Variants in CBX5 observed in about 807,000 individuals in gnomAD.
CBX5 encodes the protein chromobox 5.
A neutral mutation model predicts 20.7 loss-of-function variants in CBX5; 7 were observed. The observed-to-expected ratio is 0.34, with a 90% CI of 0.19 to 0.63. CBX5 has a LOEUF of 0.63. Among genes scored for constraint, CBX5 ranks in the 30% least tolerant of loss-of-function variants. The probability of loss-of-function intolerance (pLI) is 0.75; values close to 1 mark genes in which losing one functional copy is unlikely to be tolerated. For missense variants in CBX5, 110 were observed against 224.1 expected (o/e 0.49, Z 3.25); for synonymous variants, 78 against 77.0 (o/e 1.01, Z -0.07).
intron 1 of CBX5, among the ~76,000 whole-genome samples, chr12:54,267,405 C>T (rs1943966645): frequency 6.6e-6 from 1 of 152,176 alleles, no homozygotes; most frequent in East Asian, 1.9e-4. Flanking sequence ...CATCATCTAG[C>T]TTGCACATTT....
rs1050507112 is a variant in CBX5, at chr12:54,235,853, T to A, written c.*5902A>T. 6.6e-6 allele frequency: 1 copy of A among 152,222 alleles called. No individual in the cohort carries two copies. Among genetic ancestry groups the A allele is most frequent in the African/African-American group, 2.4e-5 (1 of 41,448 alleles). 9.4% of individuals were successfully genotyped at this position (152,222 alleles called of 1,614,324 possible). On this transcript the variant is annotated 3_prime_UTR_variant, in exon 5 of 5. Coordinates refer to ENST00000209875, the MANE Select transcript of CBX5 (RefSeq NM_012117.3). ...AGTGTCCATGAGGAATATGTTGTTA[T>A]AGAACCCACAATAATGTAACACAAC...
At chr12:54,268,604 T>C (rs1943979568) in intron 1 of CBX5, among the ~76,000 whole-genome samples, 1 of 152,166 alleles carries the variant, frequency 6.6e-6, no homozygotes. Context: ...AATTGGTTGA[T>C]TATGAGATAT....
intron 1 of CBX5, among the ~76,000 whole-genome samples, chr12:54,265,645 C>T (rs1045271443): frequency 1.3e-5 from 2 of 152,200 alleles, no homozygotes; most frequent in African/African-American, 2.4e-5. Flanking sequence ...CTATCATTAA[C>T]GAGCCACATA....
At chr12:54,248,403 C>T (rs1240374432) in intron 3 of CBX5, among the ~76,000 whole-genome samples, 1 of 152,208 alleles carries the variant, frequency 6.6e-6, no homozygotes, top group Admixed American at 6.5e-5. Flanking sequence ...ATCTCTACTG[C>T]CCGATTTTCA....
rs1055324053 is a variant in CBX5 at position 54,237,237 on chromosome 12, C to T, written c.*4518G>A. On this transcript the variant is annotated 3_prime_UTR_variant, in exon 5 of 5. Coordinates refer to ENST00000209875, the MANE Select transcript of CBX5 (RefSeq NM_012117.3). ...CAATAGCAGGAAATCTACTTTCACA[C>T]ATGGCAAACCGCGAAGAAAAACAAG... 2.6e-5 allele frequency: 4 copies of T among 152,212 alleles called. No homozygotes were observed. Among genetic ancestry groups the T allele is most frequent in the African/African-American group, 9.7e-5 (4 of 41,446 alleles). 9.4% of individuals were successfully genotyped at this position (152,212 alleles called of 1,614,324 possible). A position where few individuals can be genotyped will look rare whatever the true frequency, so the allele number is the denominator to read the frequency against.
In CBX5 at chr12:54,241,966, T is replaced by A. The variant is rs891835370; in HGVS notation, c.426-61A>T. The A allele has an allele frequency of 2.0e-6, 3 of 1,499,942 alleles. No individual in the cohort carries two copies. The Admixed American group carries it at 6.0e-5, about 30-fold the overall frequency. 92.9% of individuals were successfully genotyped at this position (1,499,942 alleles called of 1,614,324 possible). ...AAGAGTGAAAGAATCTGTCCAGACATACGTTTATGTCATTATATGGATTTA... is the reference window on the plus strand; with the variant it reads ...AAGAGTGAAAGAATCTGTCCAGACAAACGTTTATGTCATTATATGGATTTA... On this transcript the variant is annotated intron_variant, in intron 4 of 4. Coordinates refer to ENST00000209875, the MANE Select transcript of CBX5 (RefSeq NM_012117.3).
At chr12:54,242,042 C>A in intron 4 of CBX5, 137 bp from the exon 5 acceptor site, 1 of 693,738 alleles carries the variant, frequency 1.4e-6, no homozygotes, top group Admixed American at 3.3e-5. Context: ...AGGACCCTTT[C>A]AATATTTTCA....
At position 54,241,508 on chromosome 12, in the gene CBX5, GA is replaced by G. The variant is rs200437127; in HGVS notation, c.*246del. On this transcript the variant is annotated 3_prime_UTR_variant, in exon 5 of 5. Transcript: ENST00000209875. ...GCAGAAGGAAGAGATCAGGGCAAAGGAAAAAAAAATTGTGGGTATTACACTC... is the reference window on the plus strand; with the variant it reads ...GCAGAAGGAAGAGATCAGGGCAAAGGAAAAAAAATTGTGGGTATTACACTC... 2.9e-4 allele frequency: 120 copies of G among 406,922 alleles called. 3 individuals carry two copies. The highest frequency in any genetic ancestry group is 6.7e-4 in the African/African-American group (32 of 47,904). 25.2% of individuals were successfully genotyped at this position (406,922 alleles called of 1,614,324 possible). A position where few individuals can be genotyped will look rare whatever the true frequency, so the allele number is the denominator to read the frequency against.
chr12:54,252,726 T>C (rs1470522322), intron 2 of CBX5, among the ~76,000 whole-genome samples: 1 of 152,158 alleles, frequency 6.6e-6, no homozygotes, highest in Non-Finnish European at 1.5e-5. Context: ...GGCTCACACC[T>C]GTAATCCCAG....
chr12:54,253,054 T>C (rs1353073644), intron 2 of CBX5, among the ~76,000 whole-genome samples: 1 of 144,916 alleles, frequency 6.9e-6, no homozygotes, highest in Non-Finnish European at 1.5e-5. Flanking sequence ...TAACTACAAA[T>C]GGGAATCAAG....
At position 54,242,479 on chromosome 12, in the gene CBX5, C is replaced by T. The variant is rs912555986; in HGVS notation, c.426-574G>A. On this transcript the variant is annotated intron_variant, in intron 4 of 4. Coordinates refer to ENST00000209875, the MANE Select transcript of CBX5 (RefSeq NM_012117.3). ...GGCGGAGCTTGCAGTGAGCTGAGAT[C>T]GCGCCACTGCACTCTAGCCTGAGCA... Among the ~76,000 whole-genome samples the T allele has an allele frequency of 2.8e-5, 4 of 144,820 alleles. No individual in the cohort carries two copies. In the South Asian group the frequency reaches 8.7e-4, roughly 32 times the overall value.
chr12:54,259,388 A>G (rs1351548356), intron 1 of CBX5: 4 of 152,352 alleles, frequency 2.6e-5, no homozygotes, highest in Non-Finnish European at 5.9e-5. Context: ...ACCAGGAAAA[A>G]CAAGGATTTA....
chr12:54,236,460 G>C lies in CBX5; in HGVS notation c.*5295C>G, dbSNP rs566308934. ...ATTGGGTGAGGGGGCATCTAATTCAGAACATGTTTTTGGGTGTAAGGCTAG... is the reference window on the plus strand; with the variant it reads ...ATTGGGTGAGGGGGCATCTAATTCACAACATGTTTTTGGGTGTAAGGCTAG... On this transcript the variant is annotated 3_prime_UTR_variant, in exon 5 of 5. Coordinates refer to ENST00000209875, the MANE Select transcript of CBX5 (RefSeq NM_012117.3). 6.6e-6 allele frequency: 1 copy of C among 152,266 alleles called. No homozygotes were observed. The highest frequency in any genetic ancestry group is 2.4e-5 in the African/African-American group (1 of 41,552). 9.4% of individuals were successfully genotyped at this position (152,266 alleles called of 1,614,324 possible).
intron 1 of CBX5, among the ~76,000 whole-genome samples, chr12:54,279,539 C>T (rs1301602426): frequency 2.0e-5 from 3 of 152,114 alleles, no homozygotes; most frequent in Non-Finnish European, 2.9e-5. Context: ...TTTGGAGAGC[C>T]GATTGGACGA....
At chr12:54,269,934 T>G (rs965577864) in intron 1 of CBX5, among the ~76,000 whole-genome samples, 1 of 152,212 alleles carries the variant, frequency 6.6e-6, no homozygotes, top group Non-Finnish European at 1.5e-5. Flanking sequence ...AGTTACTAAC[T>G]TCAACTAAGA....
intron 1 of CBX5, among the ~76,000 whole-genome samples, chr12:54,264,281 G>A (rs1017431576): frequency 6.6e-6 from 1 of 152,072 alleles, no homozygotes; most frequent in Non-Finnish European, 1.5e-5. Context: ...TTGGCCTTCT[G>A]AGCAGCTGGG....
intron 1 of CBX5, among the ~76,000 whole-genome samples, chr12:54,269,585 C>T (rs888688736): frequency 3.9e-5 from 6 of 152,136 alleles, no homozygotes; most frequent in African/African-American, 1.4e-4. Context: ...GACGGGGCTT[C>T]ACCATGCTAG....
At chr12:54,244,615 G>A (rs1226057503) in intron 4 of CBX5, among the ~76,000 whole-genome samples, 1 of 151,954 alleles carries the variant, frequency 6.6e-6, no homozygotes, top group African/African-American at 2.4e-5. Flanking sequence ...GTAGGCGCCT[G>A]TAATCCCAGC....
chr12:54,237,200 A>G lies in CBX5; in HGVS notation c.*4555T>C, dbSNP rs567697212. 2.9e-4 allele frequency: 44 copies of G among 152,310 alleles called. 1 individual carries two copies. Among genetic ancestry groups the G allele is most frequent in the African/African-American group, 1.0e-3 (42 of 41,564 alleles). The allele number at this position is 152,310 out of a possible 1,614,324, so 9.4% of individuals were successfully genotyped here. On this transcript the variant is annotated 3_prime_UTR_variant, in exon 5 of 5. Coordinates refer to ENST00000209875, the MANE Select transcript of CBX5 (RefSeq NM_012117.3). ...ACTGTTCTCCACTATTCTGTCTATAATGAGAATATATCAATAGCAGGAAAT... is the reference window on the plus strand; with the variant it reads ...ACTGTTCTCCACTATTCTGTCTATAGTGAGAATATATCAATAGCAGGAAAT...
Sources: gnomAD v4.1 joint callset for allele counts (sites outside exome capture counted in the v4.1 genomes callset) on GRCh38, gnomAD v4.1.1 for gene constraint, MANE v1.5 for transcripts, NCBI Gene and HGNC (gene_info 2026-07-23, HGNC 2026-07-21) for gene names.